LRRC4C: variants seen among roughly 807,000 people sequenced by gnomAD.
LRRC4C encodes leucine-rich repeat-containing protein 4C.
A neutral mutation model predicts 33.6 loss-of-function variants in LRRC4C; 5 were observed. The observed-to-expected ratio is 0.15, with a 90% CI of 0.08 to 0.31. LRRC4C has a LOEUF of 0.31. LRRC4C is among the 10% of genes least tolerant of loss of function. The pLI is 1.00. For synonymous variants in LRRC4C, 329 were observed against 302.0 expected, an observed-to-expected ratio of 1.09 and a Z score of -0.93; for missense variants, 560 against 796.7, an observed-to-expected ratio of 0.70 and a Z score of 3.58.
chr11:40,542,477 C>G (rs1232422969), intron 3 of LRRC4C, among the ~76,000 whole-genome samples: 1 of 152,002 alleles, frequency 6.6e-6, no homozygotes, highest in Non-Finnish European at 1.5e-5. Flanking sequence ...TGTGGGTATA[C>G]CTTATATTGC....
At chr11:41,368,313 G>A (rs183551411) in intron 1 of LRRC4C, among the ~76,000 whole-genome samples, 117 of 152,092 alleles carry the variant, frequency 7.7e-4, no homozygotes, top group Admixed American at 5.6e-3. Context: ...TTTGTCTTTC[G>A]CTCTAAGACT....
chr11:41,052,164 A>G (rs1858278342), intron 1 of LRRC4C, among the ~76,000 whole-genome samples: 1 of 152,114 alleles, frequency 6.6e-6, no homozygotes, highest in Admixed American at 6.6e-5. Flanking sequence ...GATTCATACA[A>G]TGATTACAAT....
chr11:40,205,528 G>A (rs1295623945), intron 5 of LRRC4C, among the ~76,000 whole-genome samples: 1 of 151,966 alleles, frequency 6.6e-6, no homozygotes, highest in Non-Finnish European at 1.5e-5. Flanking sequence ...ACTCGATGAT[G>A]TTCATAACAT....
chr11:41,161,216 T>C (rs1944456493), intron 1 of LRRC4C, among the ~76,000 whole-genome samples: 1 of 152,194 alleles, frequency 6.6e-6, no homozygotes. Context: ...ATAGAAATGT[T>C]ATGTCCCATA....
chr11:41,043,705 C>T (rs553013688), intron 1 of LRRC4C, among the ~76,000 whole-genome samples: 1 of 151,874 alleles, frequency 6.6e-6, no homozygotes, highest in African/African-American at 2.4e-5. Context: ...CTATTGTGTC[C>T]ACAGCTGTCT....
intron 2 of LRRC4C, among the ~76,000 whole-genome samples, chr11:40,761,623 G>A (rs1157224188): frequency 3.9e-5 from 6 of 152,116 alleles, no homozygotes. Flanking sequence ...ATTATACTGA[G>A]CAAGCAGCAA....
intron 1 of LRRC4C, among the ~76,000 whole-genome samples, chr11:41,158,684 C>T (rs552524487): frequency 6.6e-6 from 1 of 152,238 alleles, no homozygotes; most frequent in South Asian, 2.1e-4. Context: ...TTTATGCTTT[C>T]ATACACTCTC....
chr11:40,616,907 TA>T (rs35938407), intron 3 of LRRC4C, among the ~76,000 whole-genome samples: 76,837 of 144,760 alleles, frequency 0.53, 20,081 homozygotes, highest in East Asian at 0.74. Context: ...ACTTAAAGTA[TA>T]AAAAAAAAAA....
At chr11:41,206,864 CG>C (rs1408243944) in intron 1 of LRRC4C, among the ~76,000 whole-genome samples, 1 of 152,040 alleles carries the variant, frequency 6.6e-6, no homozygotes, top group Non-Finnish European at 1.5e-5. Flanking sequence ...AGAATGTTAA[CG>C]TAATGTAATA....
At chr11:40,136,828 G>C (rs1857014474) in intron 6 of LRRC4C, among the ~76,000 whole-genome samples, 1 of 152,148 alleles carries the variant, frequency 6.6e-6, no homozygotes, top group African/African-American at 2.4e-5. Context: ...CACACTTTCA[G>C]TACACTGTGA....
In LRRC4C at chr11:40,124,188, G is replaced by A. The variant is rs568695778; in HGVS notation, c.-42-7854C>T. 3.3e-5 allele frequency among the ~76,000 whole-genome samples: 5 copies of A among 152,120 alleles called. No individual in the cohort carries two copies. In the East Asian group the frequency reaches 9.7e-4, roughly 29 times the overall value. On this transcript the variant is annotated intron_variant, in intron 6 of 6. Transcript: ENST00000528697. ...AGTAACAAATGCTGGTGAGGATGTG[G>A]GAAAAAGGGAACTCTCAAAATGTAA...
At chr11:40,861,186 T>A (rs1253323529) in intron 2 of LRRC4C, among the ~76,000 whole-genome samples, 1 of 152,116 alleles carries the variant, frequency 6.6e-6, no homozygotes, top group Non-Finnish European at 1.5e-5. Flanking sequence ...ATAGCTGAGA[T>A]GAGTGAAGAT....
At chr11:40,435,277 A>G (rs1445407394) in intron 3 of LRRC4C, among the ~76,000 whole-genome samples, 2 of 152,346 alleles carry the variant, frequency 1.3e-5, no homozygotes, top group South Asian at 4.1e-4. Context: ...GCCGAGGCAG[A>G]CATTACCCTG....
chr11:41,092,536 A>C (rs1940501532), intron 1 of LRRC4C, among the ~76,000 whole-genome samples: 1 of 152,220 alleles, frequency 6.6e-6, no homozygotes. Context: ...TAGTCCAGGC[A>C]GAATAATCCT....
chr11:40,776,337 T>G (rs1451248266), intron 2 of LRRC4C, among the ~76,000 whole-genome samples: 1 of 152,066 alleles, frequency 6.6e-6, no homozygotes, highest in East Asian at 1.9e-4. Flanking sequence ...TCTTATAGAA[T>G]TCAGCTGTGA....
intron 4 of LRRC4C, among the ~76,000 whole-genome samples, chr11:40,312,553 G>C (rs984035259): frequency 6.6e-6 from 1 of 152,130 alleles, no homozygotes; most frequent in Non-Finnish European, 1.5e-5. Flanking sequence ...TCCATGAATA[G>C]ATGTCTTCAA....
intron 1 of LRRC4C, among the ~76,000 whole-genome samples, chr11:41,098,313 T>G (rs550304043): frequency 6.6e-6 from 1 of 152,276 alleles, no homozygotes; most frequent in East Asian, 1.9e-4. Flanking sequence ...TTCTCAATTC[T>G]TTCATTGGTC....
chr11:40,574,224 C>G (rs1389077164), intron 3 of LRRC4C, among the ~76,000 whole-genome samples: 1 of 152,158 alleles, frequency 6.6e-6, no homozygotes, highest in African/African-American at 2.4e-5. Flanking sequence ...TTTCTTTGCT[C>G]TCAGTAATGG....
rs149646389 is a variant in LRRC4C, at chr11:40,422,532, T to C, written c.-269-102811A>G. Among the ~76,000 whole-genome samples the C allele has an allele frequency of 1.5e-3, 228 of 152,308 alleles. 4 individuals carry two copies. The East Asian group carries it at 0.029, about 20-fold the overall frequency. On this transcript the variant is annotated intron_variant, in intron 3 of 6. Transcript: ENST00000528697. ...TTCTTATTAGAAGTTACAACACATCTTTGCATGGGATAACTGTCCTCCTTT... is the reference window on the plus strand; with the variant it reads ...TTCTTATTAGAAGTTACAACACATCCTTGCATGGGATAACTGTCCTCCTTT...
Sources: allele counts gnomAD v4.1 joint callset (sites outside exome capture counted in the v4.1 genomes callset), GRCh38; gene constraint gnomAD v4.1.1; transcripts MANE v1.5; gene names NCBI Gene and HGNC (gene_info 2026-07-23, HGNC 2026-07-21).